GRIP1: variants seen among roughly 807,000 people sequenced by gnomAD.
The protein encoded by GRIP1 is glutamate receptor-interacting protein 1.
GRIP1 carries 45 observed loss-of-function variants against 129.9 expected under a neutral mutation model. The observed-to-expected ratio is 0.35, with a 90% CI of 0.27 to 0.44. GRIP1 has a LOEUF of 0.44. Among genes scored for constraint, GRIP1 ranks in the 20% least tolerant of loss-of-function variants. The pLI is 1.00. For synonymous variants in GRIP1, 530 were observed against 520.8 expected (o/e 1.02, Z -0.24); for missense variants, 1,196 against 1,396.8 (o/e 0.86, Z 2.29).
intron 1 of GRIP1, among the ~76,000 whole-genome samples, chr12:66,884,355 G>T (rs748697087): frequency 6.6e-6 from 1 of 152,124 alleles, no homozygotes; most frequent in African/African-American, 2.4e-5. Context: ...TATGTAAAGC[G>T]TATCATCGAG....
At chr12:66,584,443 C>T (rs1270747597) in intron 2 of GRIP1, among the ~76,000 whole-genome samples, 4 of 152,098 alleles carry the variant, frequency 2.6e-5, no homozygotes, top group African/African-American at 9.7e-5. Context: ...CGTGGTGGCA[C>T]ATCTCTGTAA....
In GRIP1 at chr12:66,671,991, A is replaced by G. The variant is rs74098229; in HGVS notation, c.55+6859T>C. On this transcript the variant is annotated intron_variant, in intron 1 of 24. Transcript: ENST00000359742. ...TTATCCACATAAGGAAATACTACAG[A>G]GACAGTAACAGTTTCCTATGACAAG... 7.1e-3 allele frequency among the ~76,000 whole-genome samples: 1,077 copies of G among 152,342 alleles called. 14 individuals carry two copies. Among genetic ancestry groups the G allele is most frequent in the African/African-American group, 0.025 (1,022 of 41,582 alleles).
intron 1 of GRIP1, among the ~76,000 whole-genome samples, chr12:66,597,205 G>A (rs1014329381): frequency 2.0e-5 from 3 of 151,996 alleles, no homozygotes; most frequent in Admixed American, 2.0e-4. Flanking sequence ...TTTATGAAAC[G>A]GTAAGAAGTA....
At chr12:66,859,281 AAAC>A (rs1566054612) in intron 1 of GRIP1, among the ~76,000 whole-genome samples, 1 of 13,412 alleles carries the variant, frequency 7.5e-5, no homozygotes, top group Non-Finnish European at 2.3e-4. Context: ...AAAAACAAAA[AAAC>A]AAAAAAACAA....
intron 1 of GRIP1, among the ~76,000 whole-genome samples, chr12:66,925,147 C>A (rs1219788832): frequency 6.6e-6 from 1 of 152,146 alleles, no homozygotes; most frequent in Non-Finnish European, 1.5e-5. Context: ...TTCCACAGGA[C>A]TCTGCAGAGA....
rs1169331519 is a variant in GRIP1, at chr12:66,451,383, G to GTTTTTTTTTTTTTTT, written c.1354+4011_1354+4025dup. On this transcript the variant is annotated intron_variant, in intron 11 of 24. Transcript: ENST00000359742. ...CCCCAAAGATTTATTATTATAATCT[G>GTTTTTTTTTTTTTTT]TTTTTTTTTTTTTTTTTTTTTTTTT... 5.6e-4 allele frequency among the ~76,000 whole-genome samples: 24 copies of GTTTTTTTTTTTTTTT among 42,654 alleles called. 6 individuals are homozygous for GTTTTTTTTTTTTTTT. The highest frequency in any genetic ancestry group is 7.1e-4 in the Non-Finnish European group (17 of 23,898). 28.0% of individuals were successfully genotyped at this position (42,654 alleles called of 152,430 possible). A position where few individuals can be genotyped will look rare whatever the true frequency, so the allele number is the denominator to read the frequency against.
intron 1 of GRIP1, among the ~76,000 whole-genome samples, chr12:66,995,523 G>C (rs1209464416): frequency 2.0e-5 from 3 of 151,546 alleles, no homozygotes; most frequent in African/African-American, 7.3e-5. Flanking sequence ...AATAAAAATG[G>C]GTAAATAATC....
chr12:66,399,137 T>A (rs1391226036), intron 16 of GRIP1, among the ~76,000 whole-genome samples: 2 of 151,870 alleles, frequency 1.3e-5, no homozygotes, highest in Non-Finnish European at 2.9e-5. Context: ...AAACCCAATC[T>A]CATTCAAAGT....
intron 1 of GRIP1, among the ~76,000 whole-genome samples, chr12:66,781,493 T>C (rs1186878174): frequency 6.6e-6 from 1 of 152,190 alleles, no homozygotes. Flanking sequence ...ACAGTTCATA[T>C]ACCAAAAAAA....
chr12:66,898,128 A>G (rs908879399), intron 1 of GRIP1, among the ~76,000 whole-genome samples: 2 of 152,170 alleles, frequency 1.3e-5, no homozygotes, highest in African/African-American at 4.8e-5. Flanking sequence ...AATTTTTAAG[A>G]TCCTTTTATT....
At chr12:66,642,773 C>T (rs1230080764) in intron 1 of GRIP1, among the ~76,000 whole-genome samples, 1 of 152,084 alleles carries the variant, frequency 6.6e-6, no homozygotes, top group East Asian at 1.9e-4. Context: ...ACCCTCTACC[C>T]CATCCCATCT....
At chr12:66,400,901 T>C (rs982896504) in intron 16 of GRIP1, among the ~76,000 whole-genome samples, 3 of 150,922 alleles carry the variant, frequency 2.0e-5, no homozygotes, top group African/African-American at 4.9e-5. Flanking sequence ...TTCATTTACT[T>C]TGGACTCAGA....
chr12:66,400,699 T>A (rs2056955780), intron 16 of GRIP1, among the ~76,000 whole-genome samples: 1 of 152,296 alleles, frequency 6.6e-6, no homozygotes, highest in Non-Finnish European at 1.5e-5. Flanking sequence ...TAGAGTAATA[T>A]TCCCCAAACC....
chr12:66,760,724 T>C (rs2037448419), intron 1 of GRIP1, among the ~76,000 whole-genome samples: 1 of 152,186 alleles, frequency 6.6e-6, no homozygotes, highest in South Asian at 2.1e-4. Context: ...AGAAGAGTAT[T>C]ATGAATTTAA....
intron 1 of GRIP1, among the ~76,000 whole-genome samples, chr12:66,968,851 T>A (rs1230072986): frequency 6.6e-6 from 1 of 152,172 alleles, no homozygotes; most frequent in East Asian, 1.9e-4. Context: ...TGCTGAACTA[T>A]CATTATTCTT....
chr12:66,996,339 G>A (rs147272064), intron 1 of GRIP1, among the ~76,000 whole-genome samples: 2 of 150,698 alleles, frequency 1.3e-5, no homozygotes, highest in South Asian at 2.1e-4. Flanking sequence ...TTAAAAATGC[G>A]AACTAACAAT....
chr12:66,456,089 G>GA lies in GRIP1; in HGVS notation c.1198+97dup, dbSNP rs576129933. The GA allele has an allele frequency of 1.7e-3, 1,215 of 715,770 alleles. 8 individuals are homozygous for GA. Among genetic ancestry groups the GA allele is most frequent in the Middle Eastern group, 8.7e-3 (24 of 2,768 alleles). 44.3% of individuals were successfully genotyped at this position (715,770 alleles called of 1,614,324 possible). ...TGATAAATTGCTACTATAAGAAACA[G>GA]AAAAAACAACATCCATGAAGCCAAA... On this transcript the variant is annotated intron_variant, in intron 10 of 24. Coordinates refer to ENST00000359742, the MANE Select transcript of GRIP1 (RefSeq NM_001366722.1).
In GRIP1 at chr12:66,401,609, T is replaced by TATATATATAC. The variant is rs1169241331; in HGVS notation, c.1984+4673_1984+4674insGTATATATAT. Among the ~76,000 whole-genome samples, 82 of 110,186 alleles carry TATATATATAC rather than the reference T, an allele frequency of 7.4e-4. 1 individual carries two copies. The highest frequency in any genetic ancestry group is 2.9e-3 in the South Asian group (9 of 3,098). 72.3% of individuals were successfully genotyped at this position (110,186 alleles called of 152,430 possible). On this transcript the variant is annotated intron_variant, in intron 16 of 24. Coordinates refer to ENST00000359742, the MANE Select transcript of GRIP1 (RefSeq NM_001366722.1). Reference sequence around the variant, plus strand: ...AAAAAAATATGTGTGTATATATATATACACACACACACACACACACACACA... The same window carrying TATATATATAC: ...AAAAAAATATGTGTGTATATATATATATATATATACACACACACACACACACACACACACA...
intron 1 of GRIP1, among the ~76,000 whole-genome samples, chr12:66,605,249 C>G (rs77612085): frequency 0.021 from 3,197 of 152,126 alleles, 114 homozygotes; most frequent in African/African-American, 0.073. Context: ...ACAATTATAT[C>G]TCTTGACTAC....
Sources: allele counts gnomAD v4.1 joint callset (sites outside exome capture counted in the v4.1 genomes callset), GRCh38; gene constraint gnomAD v4.1.1; transcripts MANE v1.5; gene names NCBI Gene and HGNC (gene_info 2026-07-23, HGNC 2026-07-21).